Variants in MLEC observed in about 807,000 individuals in gnomAD.
MLEC encodes oligosaccharyltransferase complex subunit (non-catalytic).
In MLEC, 7 loss-of-function variants were observed where a neutral mutation model predicts 28.7. That is an observed-to-expected ratio of 0.24 (90% CI 0.14 to 0.46). MLEC has a LOEUF of 0.46. MLEC is among the 20% of genes least tolerant of loss of function. The pLI is 0.99. For synonymous variants in MLEC, 142 were observed against 164.4 expected (o/e 0.86, Z 1.04); for missense variants, 237 against 391.1 (o/e 0.61, Z 3.32).
At position 120,697,116 on chromosome 12, in the gene MLEC, A is replaced by G. The variant is rs1882273207; in HGVS notation, c.*571A>G. On this transcript the variant is annotated 3_prime_UTR_variant, in exon 5 of 5. Transcript: ENST00000228506. The surrounding 1 kb of genome is among the most constrained non-coding windows in gnomAD (Gnocchi z 4.8). ...CTTCCTTATCTGGAAGCCTTTCTGG[A>G]TTAATCCAGTGATGGTCCCACCTTT... 1 of 153,954 alleles carries G rather than the reference A, an allele frequency of 6.5e-6. No individual in the cohort carries two copies. The highest frequency in any genetic ancestry group is 6.4e-5 in the Admixed American group (1 of 15,512). 9.5% of individuals were successfully genotyped at this position (153,954 alleles called of 1,614,324 possible). A position where few individuals can be genotyped will look rare whatever the true frequency, so the allele number is the denominator to read the frequency against.
At chr12:120,688,602 C>T (rs1334012729) in intron 1 of MLEC, among the ~76,000 whole-genome samples, 1 of 152,230 alleles carries the variant, frequency 6.6e-6, no homozygotes, top group East Asian at 1.9e-4. Flanking sequence ...CTCCAGACAA[C>T]CAGGAGACAG....
intron 3 of MLEC, 41 bp from the exon 4 acceptor site, chr12:120,695,054 T>C: frequency 6.2e-7 from 1 of 1,614,104 alleles, no homozygotes; most frequent in Non-Finnish European, 8.5e-7. Flanking sequence ...GGGAAGTTGT[T>C]TGCTGCTGTG....
At chr12:120,693,277 G>A (rs1230898379) in intron 1 of MLEC, among the ~76,000 whole-genome samples, 2 of 152,234 alleles carry the variant, frequency 1.3e-5, no homozygotes, top group East Asian at 1.9e-4. Context: ...TGGCTTCACT[G>A]CTTTGCAGGC....
rs189117487 is a variant in MLEC at position 120,687,157 on chromosome 12, G to A, written c.-140G>A. 7.3e-4 allele frequency: 699 copies of A among 963,634 alleles called. 2 individuals are homozygous for A. The African/African-American group carries it at 0.011, about 15-fold the overall frequency. 59.7% of individuals were successfully genotyped at this position (963,634 alleles called of 1,614,324 possible). ...GGTGGGAGGCGGTACCCGTGGCTGA[G>A]AAGAAGGAGGCCTGAGAGCGACATG... On this transcript the variant is annotated 5_prime_UTR_variant, in exon 1 of 5. Coordinates refer to ENST00000228506, the MANE Select transcript of MLEC (RefSeq NM_014730.4). The surrounding 1 kb of genome is among the most constrained non-coding windows in gnomAD (Gnocchi z 8.1).
At position 120,694,148 on chromosome 12, in the gene MLEC, T is replaced by C. The variant is rs370603576; in HGVS notation, c.293T>C (p.Leu98Pro). 6.2e-6 allele frequency: 10 copies of C among 1,614,096 alleles called. No individual in the cohort carries two copies. The African/African-American group carries it at 1.3e-4, about 22-fold the overall frequency. The change falls in exon 2 of 5, where the codon CTG becomes CCG. Residue 98 changes from leucine to proline, a missense_variant. By Grantham distance (98) the Leu-to-Pro change is moderately conservative (BLOSUM62 -3). Coordinates refer to ENST00000228506, the MANE Select transcript of MLEC (RefSeq NM_014730.4). This position sits in a 1 kb window ranked among gnomAD's most constrained non-coding sequence, Gnocchi z 4.5. The part of the protein sequence containing the change: ...ILRSNPEDQI[L>P]YQTERYNEET... ...CGTTCCAACCCTGAGGACCAGATCC[T>C]GTATCAAACTGAGCGGTACAATGAG...
Position 120,694,200 on chromosome 12 carries a change from C to T in MLEC, c.345C>T (p.Ile115=), listed in dbSNP as rs1167849166. 1.9e-6 allele frequency: 3 copies of T among 1,614,050 alleles called. No individual in the cohort carries two copies. The highest frequency in any genetic ancestry group is 2.5e-6 in the Non-Finnish European group (3 of 1,180,034). Residue 115 remains isoleucine (I), a synonymous_variant, in exon 2 of 5, where the codon ATC becomes ATT. Coordinates refer to ENST00000228506, the MANE Select transcript of MLEC (RefSeq NM_014730.4). The surrounding 1 kb of genome is among the most constrained non-coding windows in gnomAD (Gnocchi z 4.5). ...NEETFGYEVP[I]KEEGDYVLVL... is the part of the protein sequence containing the mutation. ...AGACCTTTGGCTACGAAGTGCCCAT[C>T]AAAGAGGAGGGGGACTACGTGCTGG...
chr12:120,694,116 A>T lies in MLEC; in HGVS notation c.261A>T (p.Pro87=), dbSNP rs764163012. ...GRASDYGMKL[P]ILRSNPEDQI... Reference sequence around the variant, plus strand: ...CCTCAGACTATGGCATGAAACTGCCAATCCTGCGTTCCAACCCTGAGGACC... The same window carrying T: ...CCTCAGACTATGGCATGAAACTGCCTATCCTGCGTTCCAACCCTGAGGACC... The change falls in exon 2 of 5, where the codon CCA becomes CCT. Residue 87 remains proline, a synonymous_variant. Transcript: ENST00000228506. This position sits in a 1 kb window ranked among gnomAD's most constrained non-coding sequence, Gnocchi z 4.5. The T allele has an allele frequency of 6.2e-7, 1 of 1,614,082 alleles. No homozygotes were observed. The highest frequency in any genetic ancestry group is 8.5e-7 in the Non-Finnish European group (1 of 1,179,992).
rs181506797 is a variant in MLEC at position 120,687,338 on chromosome 12, C to T, written c.42C>T (p.Leu14=). The change falls in exon 1 of 5, where the codon CTC becomes CTT. Residue 14 remains leucine, a synonymous_variant. Transcript: ENST00000228506. The surrounding 1 kb of genome is among the most constrained non-coding windows in gnomAD (Gnocchi z 8.1). ...AWAVEGTAVA[L]LRLLLLLLPP... is the part of the protein sequence containing the mutation. ...CGGTTGAGGGAACCGCTGTGGCGCT[C>T]CTGCGACTGCTGCTGCTGCTGCTGC... 1,092 of 1,394,910 alleles carry T rather than the reference C, an allele frequency of 7.8e-4. 4 individuals are homozygous for T. The African/African-American group carries it at 0.014, about 18-fold the overall frequency. The allele number at this position is 1,394,910 out of a possible 1,614,324, so 86.4% of individuals were successfully genotyped here.
chr12:120,693,534 T>C (rs1882115896), intron 1 of MLEC, among the ~76,000 whole-genome samples: 1 of 152,172 alleles, frequency 6.6e-6, no homozygotes, highest in African/African-American at 2.4e-5. Flanking sequence ...TGAATGAAAA[T>C]TATAAAAAAA....
At chr12:120,688,242 G>A (rs1429479244) in intron 1 of MLEC, among the ~76,000 whole-genome samples, 1 of 152,194 alleles carries the variant, frequency 6.6e-6, no homozygotes, top group Non-Finnish European at 1.5e-5. Context: ...AGCTTAGGGG[G>A]AAAATGATTG....
In MLEC at chr12:120,696,302, C is replaced by T; in HGVS notation, c.650-14C>T. The T allele has an allele frequency of 6.2e-7, 1 of 1,613,542 alleles. No homozygotes were observed. The highest frequency in any genetic ancestry group is 8.5e-7 in the Non-Finnish European group (1 of 1,179,864). ...ATGCTGTGGGTCTTAACAGTGTTTT[C>T]TTCCTTGTGTTAGATGTACCAAAGC... On this transcript the variant is annotated splice_polypyrimidine_tract_variant and intron_variant, in intron 4 of 4. Coordinates refer to ENST00000228506, the MANE Select transcript of MLEC (RefSeq NM_014730.4). This position sits in a 1 kb window ranked among gnomAD's most constrained non-coding sequence, Gnocchi z 5.4.
chr12:120,687,592 G>A lies in MLEC; in HGVS notation c.235+61G>A. The A allele has an allele frequency of 7.7e-7, 1 of 1,299,302 alleles. No individual in the cohort carries two copies. Among genetic ancestry groups the A allele is most frequent in the Non-Finnish European group, 1.0e-6 (1 of 980,818 alleles). 80.5% of individuals were successfully genotyped at this position (1,299,302 alleles called of 1,614,324 possible). On this transcript the variant is annotated intron_variant, in intron 1 of 4. Coordinates refer to ENST00000228506, the MANE Select transcript of MLEC (RefSeq NM_014730.4). This position sits in a 1 kb window ranked among gnomAD's most constrained non-coding sequence, Gnocchi z 8.1. ...CCTGCTGTGCTGGGCGCAGCCGGCC[G>A]GGGGCTGCGGGCCCCGAGCCCCTTT...
rs1242802687 is a variant in MLEC at position 120,701,277 on chromosome 12, A to G, written c.*4732A>G. The G allele has an allele frequency of 6.6e-6, 1 of 152,394 alleles. No homozygotes were observed. The highest frequency in any genetic ancestry group is 1.5e-5 in the Non-Finnish European group (1 of 68,040). The allele number at this position is 152,394 out of a possible 1,614,324, so 9.4% of individuals were successfully genotyped here. A position where few individuals can be genotyped will look rare whatever the true frequency, so the allele number is the denominator to read the frequency against. ...CCGAGTTGCGAGGTAGGAGGGGAGC[A>G]CTGGCAGGGAGAGACATTCTTGACT... On this transcript the variant is annotated 3_prime_UTR_variant, in exon 5 of 5. Transcript: ENST00000228506. The surrounding 1 kb of genome is among the most constrained non-coding windows in gnomAD (Gnocchi z 4.0).
At chr12:120,691,980 GA>G (rs1882053778) in intron 1 of MLEC, among the ~76,000 whole-genome samples, 1 of 152,102 alleles carries the variant, frequency 6.6e-6, no homozygotes, top group African/African-American at 2.4e-5. Flanking sequence ...CTAACATAGT[GA>G]AAGCCCGTTT....
chr12:120,695,860 G>T (rs1042489763), intron 4 of MLEC, among the ~76,000 whole-genome samples: 2 of 152,186 alleles, frequency 1.3e-5, no homozygotes, highest in African/African-American at 4.8e-5. Flanking sequence ...CCACCAAACA[G>T]ACCTGTGTTC....
At chr12:120,691,457 A>G (rs939204040) in intron 1 of MLEC, among the ~76,000 whole-genome samples, 1 of 152,264 alleles carries the variant, frequency 6.6e-6, no homozygotes, top group Non-Finnish European at 1.5e-5. Context: ...GAATTTTCCA[A>G]GGAGCCTAGT....
chr12:120,689,429 C>G (rs1881952462), intron 1 of MLEC, among the ~76,000 whole-genome samples: 1 of 152,202 alleles, frequency 6.6e-6, no homozygotes, highest in African/African-American at 2.4e-5. Context: ...CTAAGGTTCC[C>G]CTCTCCATTC....
intron 4 of MLEC, among the ~76,000 whole-genome samples, chr12:120,695,644 A>G (rs1476454245): frequency 6.6e-6 from 1 of 152,186 alleles, no homozygotes; most frequent in Non-Finnish European, 1.5e-5. Flanking sequence ...CTTAGAGTAT[A>G]TTTCTTTCTC....
At chr12:120,695,558 G>A (rs1882200518) in intron 4 of MLEC, among the ~76,000 whole-genome samples, 1 of 152,198 alleles carries the variant, frequency 6.6e-6, no homozygotes, top group Non-Finnish European at 1.5e-5. Flanking sequence ...GGTATGCTCT[G>A]AAAGATTCCA....
Sources: gnomAD v4.1 joint callset for allele counts (sites outside exome capture counted in the v4.1 genomes callset) on GRCh38, gnomAD v4.1.1 for gene constraint, Gnocchi (gnomAD v3.1) non-coding constraint, MANE v1.5 for transcripts, NCBI Gene and HGNC (gene_info 2026-07-23, HGNC 2026-07-21) for gene names.